The following STXBP5 variants were observed in gnomAD, a reference collection of about 807,000 sequenced individuals.
The protein encoded by STXBP5 is syntaxin-binding protein 5.
Under a neutral mutation model 152.4 loss-of-function variants are expected in STXBP5, and 50 were observed. The observed-to-expected ratio is 0.33, with a 90% CI of 0.26 to 0.42. The LOEUF (loss-of-function observed/expected upper bound fraction) is 0.42, where lower values mean the gene tolerates loss of function less well. Ranked by LOEUF, STXBP5 falls within the 10% of genes least tolerant of loss-of-function variation. The pLI, the probability that STXBP5 is intolerant of heterozygous loss-of-function variation, is 1.00. For missense variants in STXBP5, 1,167 were observed against 1,388.6 expected, an observed-to-expected ratio of 0.84 and a Z score of 2.54; for synonymous variants, 492 against 494.7, an observed-to-expected ratio of 0.99 and a Z score of 0.07.
At chr6:147,264,464 G>A (rs747332619) in intron 6 of STXBP5, among the ~76,000 whole-genome samples, 2 of 152,066 alleles carry the variant, frequency 1.3e-5, no homozygotes, top group Non-Finnish European at 2.9e-5. Context: ...GACATTATGT[G>A]TTCCATAGAT....
Position 147,251,379 on chromosome 6 carries a change from C to T in STXBP5, c.432-9236C>T, listed in dbSNP as rs577741948. On this transcript the variant is annotated intron_variant, in intron 4 of 27. Transcript: ENST00000321680. ...ACTGGCCGGCCGTTTGGGCAGATACCGAGCTAGCTACAGGAGTTTTTTTTC... is the reference window on the plus strand; with the variant it reads ...ACTGGCCGGCCGTTTGGGCAGATACTGAGCTAGCTACAGGAGTTTTTTTTC... Among the ~76,000 whole-genome samples, 309 of 152,284 alleles carry T rather than the reference C, an allele frequency of 2.0e-3. 1 individual carries two copies. The highest frequency in any genetic ancestry group is 6.7e-3 in the African/African-American group (279 of 41,566).
At chr6:147,320,134 C>T (rs1782847941) in intron 16 of STXBP5, among the ~76,000 whole-genome samples, 1 of 151,984 alleles carries the variant, frequency 6.6e-6, no homozygotes, top group African/African-American at 2.4e-5. Flanking sequence ...CTGTGTCTGG[C>T]CCCCATCTGT....
intron 2 of STXBP5, among the ~76,000 whole-genome samples, chr6:147,231,263 C>T (rs1777992459): frequency 6.6e-6 from 1 of 151,614 alleles, no homozygotes; most frequent in Admixed American, 6.6e-5. Flanking sequence ...ATTACACAGC[C>T]TTGTGTTCAA....
At chr6:147,351,093 T>C (rs1784570618) in intron 21 of STXBP5, among the ~76,000 whole-genome samples, 1 of 152,236 alleles carries the variant, frequency 6.6e-6, no homozygotes, top group Admixed American at 6.5e-5. Flanking sequence ...TTGTCTTGGT[T>C]ACTACCATGA....
chr6:147,228,421 T>A (rs1291528887), intron 2 of STXBP5, among the ~76,000 whole-genome samples: 1 of 151,898 alleles, frequency 6.6e-6, no homozygotes, highest in African/African-American at 2.4e-5. Context: ...TACCTGGAAG[T>A]CTGTAGGAAG....
At chr6:147,220,967 C>A (rs1016420576) in intron 2 of STXBP5, among the ~76,000 whole-genome samples, 1 of 151,938 alleles carries the variant, frequency 6.6e-6, no homozygotes. Flanking sequence ...TCTTTTTATG[C>A]CTCTTGTGGT....
At chr6:147,366,789 G>A (rs1022357511) in intron 25 of STXBP5, among the ~76,000 whole-genome samples, 1 of 152,250 alleles carries the variant, frequency 6.6e-6, no homozygotes, top group South Asian at 2.1e-4. Context: ...TGGATGGTCC[G>A]TTATCAGCCA....
At chr6:147,267,264 T>C (rs1779939331) in intron 7 of STXBP5, 97 bp downstream of exon 7, 2 of 901,362 alleles carry the variant, frequency 2.2e-6, no homozygotes, top group Admixed American at 2.6e-5. Flanking sequence ...AGGCAAACTT[T>C]GTAATTGCAG....
intron 4 of STXBP5, among the ~76,000 whole-genome samples, chr6:147,259,597 G>A (rs1183190000): frequency 2.0e-5 from 3 of 152,134 alleles, no homozygotes; most frequent in African/African-American, 7.2e-5. Flanking sequence ...GTGTGTTAAT[G>A]GAAATACAAA....
At chr6:147,329,504 T>C (rs1466142634) in intron 18 of STXBP5, among the ~76,000 whole-genome samples, 1 of 150,812 alleles carries the variant, frequency 6.6e-6, no homozygotes, top group Non-Finnish European at 1.5e-5. Context: ...AAATATAGAA[T>C]GATTGGTATA....
At chr6:147,383,767 A>G (rs77751179) in intron 27 of STXBP5, among the ~76,000 whole-genome samples, 8 of 152,176 alleles carry the variant, frequency 5.3e-5, no homozygotes, top group Non-Finnish European at 1.0e-4. Flanking sequence ...CTGTAGTGGT[A>G]GCTCTTTTTT....
At chr6:147,286,935 C>A (rs961305703) in intron 8 of STXBP5, among the ~76,000 whole-genome samples, 7 of 151,382 alleles carry the variant, frequency 4.6e-5, no homozygotes, top group African/African-American at 1.7e-4. Flanking sequence ...CACATACACA[C>A]AAATAAACAT....
rs1469849782 is a variant in STXBP5, at chr6:147,382,952, C to T, written c.3368C>T (p.Ala1123Val). The change falls in exon 27 of 28, where the codon GCG becomes GTG. Residue 1123 changes from alanine to valine, a missense_variant. By Grantham distance (64) the Ala-to-Val change is moderately conservative (BLOSUM62 0). Coordinates refer to ENST00000321680, the MANE Select transcript of STXBP5 (RefSeq NM_001127715.4). ...CTTGGCGATCTGGAAGAAAGAACTG[C>T]GGCCATGTTATCAAGTGCAGAGTCA... The part of the protein sequence containing the change: ...QKLGDLEERT[A>V]AMLSSAESFS... 21 of 1,613,254 alleles carry T rather than the reference C, an allele frequency of 1.3e-5. No individual in the cohort carries two copies. Among genetic ancestry groups the T allele is most frequent in the Admixed American group, 3.3e-5 (2 of 59,870 alleles).
chr6:147,348,715 A>G (rs917089990), intron 21 of STXBP5, among the ~76,000 whole-genome samples: 3 of 152,306 alleles, frequency 2.0e-5, no homozygotes, highest in African/African-American at 4.8e-5. Flanking sequence ...GAAATCCAAA[A>G]TATATGCAAA....
intron 23 of STXBP5, among the ~76,000 whole-genome samples, chr6:147,359,969 A>C (rs1009836511): frequency 7.9e-5 from 12 of 152,200 alleles, no homozygotes; most frequent in Non-Finnish European, 1.5e-4. Context: ...AAACAACCCC[A>C]TCAAAAAGTG....
At chr6:147,383,439 G>A (rs933492991) in intron 27 of STXBP5, among the ~76,000 whole-genome samples, 3 of 152,074 alleles carry the variant, frequency 2.0e-5, no homozygotes, top group African/African-American at 7.2e-5. Context: ...CCGCGTTGTG[G>A]ACCAATTCAT....
intron 9 of STXBP5, among the ~76,000 whole-genome samples, chr6:147,299,153 A>G (rs1781679354): frequency 1.3e-5 from 2 of 151,932 alleles, no homozygotes; most frequent in Non-Finnish European, 2.9e-5. Flanking sequence ...CAAATTAATA[A>G]ATTCAGAGAT....
chr6:147,227,656 T>C (rs1025330361), intron 2 of STXBP5, among the ~76,000 whole-genome samples: 6 of 152,164 alleles, frequency 3.9e-5, no homozygotes, highest in African/African-American at 1.4e-4. Flanking sequence ...CTCCCCACTT[T>C]GTAAATGAGA....
At chr6:147,364,849 A>G (rs1332952353) in intron 25 of STXBP5, among the ~76,000 whole-genome samples, 3 of 152,160 alleles carry the variant, frequency 2.0e-5, no homozygotes, top group African/African-American at 7.2e-5. Flanking sequence ...AGTTTTTGCA[A>G]TTATTTAGCC....
Sources: allele counts gnomAD v4.1 joint callset (sites outside exome capture counted in the v4.1 genomes callset), GRCh38; gene constraint gnomAD v4.1.1; transcripts MANE v1.5; gene names NCBI Gene and HGNC (gene_info 2026-07-23, HGNC 2026-07-21).